FER1L5: variants seen among roughly 807,000 people sequenced by gnomAD.
FER1L5 encodes the protein fer-1 like family member 5, also known as fer-1-like protein 5.
FER1L5 carries 187 observed loss-of-function variants against 279.9 expected under a neutral mutation model. The ratio of observed to expected loss-of-function variants is 0.67; its 90% CI spans 0.59 to 0.75. The LOEUF (loss-of-function observed/expected upper bound fraction) is 0.75. FER1L5 is among the 30% of genes least tolerant of loss of function. The pLI, the probability that FER1L5 is intolerant of heterozygous loss-of-function variation, is 0.00. For synonymous variants in FER1L5, 921 were observed against 989.7 expected, an observed-to-expected ratio of 0.93 and a Z score of 1.30; for missense variants, 2,091 against 2,594.4, an observed-to-expected ratio of 0.81 and a Z score of 4.21.
chr2:96,652,326 C>T, intron 7 of FER1L5: 1 of 352,756 alleles, frequency 2.8e-6, no homozygotes, highest in South Asian at 4.0e-5. Context: ...CAGACCCAGA[C>T]CATGTATGTC....
chr2:96,693,926 TG>T lies in FER1L5; in HGVS notation c.3494del (p.Gly1165AspfsTer21), dbSNP rs2077257250. 6.5e-7 allele frequency: 1 copy of T among 1,550,250 alleles called. No individual in the cohort carries two copies. The highest frequency in any genetic ancestry group is 1.4e-5 in the African/African-American group (1 of 73,032). On this transcript the variant is annotated frameshift_variant, in exon 33 of 53. Coordinates refer to ENST00000624922, the MANE Select transcript of FER1L5 (RefSeq NM_001293083.2). LOFTEE classifies it high-confidence loss of function. ...CCCCCTCCAGGGCAAGGAGAGCTTG[TG>T]GGGACGGAGCGTGTGGCCCCCAATG... The part of the protein sequence containing the change: ...QRDFWGKESL[W>X]GRSVWPPMVW...
chr2:96,702,091 T>TC lies in FER1L5; in HGVS notation c.5159+53dup. The TC allele has an allele frequency of 6.2e-7, 1 of 1,601,758 alleles. No individual in the cohort carries two copies. ...ACTGCTGCATTTCACAGTTCAGAAC[T>TC]CCCCCAGTGCAGGGCACCACTGTCC... On this transcript the variant is annotated intron_variant, in intron 46 of 52. Transcript: ENST00000624922. This position sits in a 1 kb window ranked among gnomAD's most constrained non-coding sequence, Gnocchi z 4.0.
At chr2:96,688,566 AG>A (rs914719236) in intron 24 of FER1L5, among the ~76,000 whole-genome samples, 1 of 152,180 alleles carries the variant, frequency 6.6e-6, no homozygotes, top group Non-Finnish European at 1.5e-5. Context: ...TGAACAGCAG[AG>A]GGGAAATAAG....
intron 6 of FER1L5, 124 bp downstream of exon 6, chr2:96,650,413 G>C (rs1394649227): frequency 1.7e-5 from 13 of 774,474 alleles, no homozygotes; most frequent in Admixed American, 4.8e-5. Flanking sequence ...CCCAGCTTCT[G>C]GCCCTCAGAT....
In FER1L5 at chr2:96,702,816, C is replaced by A. The variant is rs1174179771; in HGVS notation, c.5397+75C>A. On this transcript the variant is annotated intron_variant, in intron 48 of 52. Coordinates refer to ENST00000624922, the MANE Select transcript of FER1L5 (RefSeq NM_001293083.2). This position sits in a 1 kb window ranked among gnomAD's most constrained non-coding sequence, Gnocchi z 4.0. The stretch of plus-strand genomic sequence containing the variant: ...GGCTCCTGGAGCTCCTCCCCCCACC[C>A]CTCCAGAGGCTTGCAATCTGTCCCA... 6.3e-7 allele frequency: 1 copy of A among 1,575,674 alleles called. No individual in the cohort carries two copies. Among genetic ancestry groups the A allele is most frequent in the African/African-American group, 1.4e-5 (1 of 73,962 alleles).
At chr2:96,645,924 G>T (rs2075103387) in intron 1 of FER1L5, among the ~76,000 whole-genome samples, 1 of 151,502 alleles carries the variant, frequency 6.6e-6, no homozygotes, top group Non-Finnish European at 1.5e-5. Context: ...AAAAAGAAGT[G>T]ATGCCATATC....
intron 23 of FER1L5, among the ~76,000 whole-genome samples, chr2:96,686,875 A>C (rs926005356): frequency 2.6e-5 from 4 of 151,530 alleles, no homozygotes; most frequent in East Asian, 1.9e-4. Flanking sequence ...AAAAAAAAAA[A>C]AAAACAGAAA....
In FER1L5 at chr2:96,673,164, G is replaced by A. The variant is rs928926815; in HGVS notation, c.1579G>A (p.Glu527Lys). Residue 527 changes from glutamate to lysine, a missense_variant, in exon 19 of 53, where the codon GAG becomes AAG. Physicochemically the swap from Glu to Lys is moderately conservative, Grantham distance 56. Transcript: ENST00000624922. ...CAACTTTAAAGAGCTGATCCATTTC[G>A]AGGTCAGCATCGGTCACTATGGGAA... ...MPNFKELIHFEVSIGHYGNKM... is the reference protein window; with the variant it reads ...MPNFKELIHFKVSIGHYGNKM... 13 of 1,551,480 alleles carry A rather than the reference G, an allele frequency of 8.4e-6. 1 individual carries two copies. Among genetic ancestry groups the A allele is most frequent in the Admixed American group, 3.9e-5 (2 of 50,986 alleles).
intron 23 of FER1L5, among the ~76,000 whole-genome samples, 160 bp downstream of exon 23, chr2:96,686,510 G>A (rs575321697): frequency 6.6e-6 from 1 of 152,180 alleles, no homozygotes; most frequent in Non-Finnish European, 1.5e-5. Context: ...GGGGTCTGTG[G>A]CTGTCAGCAT....
Position 96,695,548 on chromosome 2 carries a change from T to G in FER1L5, c.3781T>G (p.Ser1261Ala). The G allele has an allele frequency of 6.3e-7, 1 of 1,592,018 alleles. No individual in the cohort carries two copies. The highest frequency in any genetic ancestry group is 8.5e-7 in the Non-Finnish European group (1 of 1,169,776). ...CCTTCGGAACATGAAGAAGGCGAGC[T>G]CCCCCCAGCTCCTGGTGGAATTCGG... ...WGLRNMKKAS[S>A]PQLLVEFGEE... Residue 1261 changes from serine to alanine, a missense_variant, in exon 35 of 53, where the codon TCC (serine) becomes GCC (alanine). Transcript: ENST00000624922.
chr2:96,656,287 T>C (rs1305236126), intron 9 of FER1L5, among the ~76,000 whole-genome samples: 1 of 152,240 alleles, frequency 6.6e-6, no homozygotes, highest in Non-Finnish European at 1.5e-5. Flanking sequence ...ATTAAATACC[T>C]AGTCAATGTT....
intron 9 of FER1L5, among the ~76,000 whole-genome samples, chr2:96,657,772 C>G (rs1391040705): frequency 6.6e-6 from 1 of 152,198 alleles, no homozygotes; most frequent in Non-Finnish European, 1.5e-5. Context: ...CATGTTGTTG[C>G]ACTTGTCAGC....
Position 96,689,717 on chromosome 2 carries a change from A to C in FER1L5, c.2599A>C (p.Arg867=). ...ATATGAGAACCAGGGCCGTGACACC[A>C]GAGGGGCCTGGGGGCCTGCCGCCAT... The part of the protein sequence containing the change: ...EVYENQGRDT[R]GAWGPAAIPN... The change falls in exon 26 of 53, where the codon AGA becomes CGA. Residue 867 remains arginine (R), a synonymous_variant. Transcript: ENST00000624922. The surrounding 1 kb of genome is among the most constrained non-coding windows in gnomAD (Gnocchi z 4.6). The C allele has an allele frequency of 6.4e-7, 1 of 1,550,488 alleles. No homozygotes were observed. Among genetic ancestry groups the C allele is most frequent in the South Asian group, 1.2e-5 (1 of 84,030 alleles).
chr2:96,650,773 T>C (rs978287928), intron 6 of FER1L5, among the ~76,000 whole-genome samples: 7 of 152,240 alleles, frequency 4.6e-5, no homozygotes, highest in Non-Finnish European at 8.8e-5. Flanking sequence ...CTAACATTCC[T>C]GCCGTGGTTT....
intron 4 of FER1L5, among the ~76,000 whole-genome samples, chr2:96,649,103 G>T (rs989318420): frequency 6.6e-6 from 1 of 152,154 alleles, no homozygotes; most frequent in African/African-American, 2.4e-5. Flanking sequence ...GAGGTCAAGG[G>T]CCTTGTGGTC....
intron 19 of FER1L5, among the ~76,000 whole-genome samples, chr2:96,679,344 C>G (rs369704692): frequency 2.0e-5 from 3 of 152,286 alleles, no homozygotes; most frequent in Admixed American, 6.5e-5. Flanking sequence ...CTGCCTCAGC[C>G]TCCTGAGTAG....
chr2:96,683,211 C>T (rs148213821), intron 19 of FER1L5, among the ~76,000 whole-genome samples: 2 of 152,200 alleles, frequency 1.3e-5, no homozygotes, highest in East Asian at 3.9e-4. Flanking sequence ...ACAACAGAAA[C>T]TCATTCTTTC....
rs1274173089 is a variant in FER1L5, at chr2:96,650,166, C to T, written c.395-14C>T. 3 of 1,549,634 alleles carry T rather than the reference C, an allele frequency of 1.9e-6. No homozygotes were observed. The highest frequency in any genetic ancestry group is 2.6e-6 in the Non-Finnish European group (3 of 1,145,280). Reference sequence around the variant, plus strand: ...CCCAGGCCTCTGACCCCACCCTGCACTGTGTCTCCCCAGGAGCTGAAGACC... The same window carrying T: ...CCCAGGCCTCTGACCCCACCCTGCATTGTGTCTCCCCAGGAGCTGAAGACC... On this transcript the variant is annotated splice_polypyrimidine_tract_variant and intron_variant, in intron 5 of 52. Coordinates refer to ENST00000624922, the MANE Select transcript of FER1L5 (RefSeq NM_001293083.2).
At chr2:96,645,996 CTTTTTTTTTT>C (rs34639745) in intron 1 of FER1L5, among the ~76,000 whole-genome samples, 2 of 72,692 alleles carry the variant, frequency 2.8e-5, no homozygotes, top group Non-Finnish European at 5.5e-5. Flanking sequence ...TTGAAGTTTT[CTTTTTTTTTT>C]TTTTTTTTTT....
Sources: gnomAD v4.1 joint callset for allele counts (sites outside exome capture counted in the v4.1 genomes callset) on GRCh38, gnomAD v4.1.1 for gene constraint, Gnocchi (gnomAD v3.1) non-coding constraint, MANE v1.5 for transcripts, NCBI Gene and HGNC (gene_info 2026-07-23, HGNC 2026-07-21) for gene names.